The following GPR89A variants were observed in gnomAD, a reference collection of about 807,000 sequenced individuals.
The protein encoded by GPR89A is golgi pH regulator A, also known as G protein-coupled receptor 89A.
Under a neutral mutation model 52.0 loss-of-function variants are expected in GPR89A, and 16 were observed. The ratio of observed to expected loss-of-function variants is 0.31; its 90% confidence interval spans 0.21 to 0.47. The LOEUF is 0.47. Ranked by LOEUF, GPR89A falls within the 20% of genes least tolerant of loss-of-function variation. The probability of loss-of-function intolerance (pLI) is 1.00; values close to 1 mark genes in which losing one functional copy is unlikely to be tolerated. For synonymous variants in GPR89A, 55 were observed against 150.9 expected (o/e 0.36, Z 4.66); for missense variants, 135 against 449.4 (o/e 0.30, Z 6.33).
chr1:145,635,503 G>A (rs183565400), intron 7 of GPR89A, among the ~76,000 whole-genome samples: 17 of 152,242 alleles, frequency 1.1e-4, no homozygotes, highest in Admixed American at 4.6e-4. Flanking sequence ...AGGTAGACAC[G>A]TGTATAATTT....
At chr1:145,657,278 C>A (rs1237941727) in intron 10 of GPR89A, among the ~76,000 whole-genome samples, 1 of 148,210 alleles carries the variant, frequency 6.7e-6, no homozygotes, top group African/African-American at 2.6e-5. Context: ...GTGTTCCCAG[C>A]TACTCAGGAG....
intron 12 of GPR89A, among the ~76,000 whole-genome samples, chr1:145,665,985 C>G (rs1462617236): frequency 6.7e-6 from 1 of 149,234 alleles, no homozygotes; most frequent in Non-Finnish European, 1.5e-5. Flanking sequence ...GAGCAACACT[C>G]CATCTCAAAA....
intron 1 of GPR89A, among the ~76,000 whole-genome samples, chr1:145,611,794 A>T (rs587675830): frequency 6.6e-6 from 1 of 151,848 alleles, no homozygotes; most frequent in South Asian, 2.1e-4. Context: ...TATGGTCTCT[A>T]AACTCTGAAT....
At chr1:145,635,946 A>G (rs587692695) in intron 7 of GPR89A, among the ~76,000 whole-genome samples, 1 of 152,146 alleles carries the variant, frequency 6.6e-6, no homozygotes, top group African/African-American at 2.4e-5. Flanking sequence ...GGGCAGAACG[A>G]GACTCTGTCT....
At chr1:145,660,084 G>A (rs1273096014) in intron 10 of GPR89A, among the ~76,000 whole-genome samples, 1 of 151,864 alleles carries the variant, frequency 6.6e-6, no homozygotes, top group African/African-American at 2.4e-5. Flanking sequence ...TCTGTTATTG[G>A]TGTATAAGAA....
intron 7 of GPR89A, among the ~76,000 whole-genome samples, chr1:145,636,054 A>G (rs71257615): frequency 2.6e-5 from 4 of 151,742 alleles, no homozygotes; most frequent in East Asian, 1.9e-4. Flanking sequence ...ACTCTGATCT[A>G]TACATACTAT....
chr1:145,655,155 G>C lies in GPR89A; in HGVS notation c.909+7888G>C, dbSNP rs587602988. Among the ~76,000 whole-genome samples, 128 of 150,386 alleles carry C rather than the reference G, an allele frequency of 8.5e-4. 1 individual carries two copies. In the South Asian group the frequency reaches 0.011, roughly 12 times the overall value. Reference sequence around the variant, plus strand: ...TTTTCAGCTCCATCACATTGTTTATGTTCCTTTTTAAACGGGTTATTCTGG... The same window carrying C: ...TTTTCAGCTCCATCACATTGTTTATCTTCCTTTTTAAACGGGTTATTCTGG... On this transcript the variant is annotated intron_variant, in intron 10 of 13. Transcript: ENST00000313835.
chr1:145,659,404 C>T (rs1652034324), intron 10 of GPR89A, among the ~76,000 whole-genome samples: 1 of 151,930 alleles, frequency 6.6e-6, no homozygotes, highest in Non-Finnish European at 1.5e-5. Flanking sequence ...CCAGGCTGGT[C>T]TCTAACTCCT....
At chr1:145,612,686 C>T (rs1462219951) in intron 1 of GPR89A, among the ~76,000 whole-genome samples, 2 of 152,102 alleles carry the variant, frequency 1.3e-5, no homozygotes, top group African/African-American at 2.4e-5. Flanking sequence ...ATAAAAGTTA[C>T]CTAATCATAT....
intron 7 of GPR89A, among the ~76,000 whole-genome samples, chr1:145,634,969 T>C (rs1398247992): frequency 1.3e-5 from 2 of 152,068 alleles, no homozygotes; most frequent in Non-Finnish European, 2.9e-5. Flanking sequence ...TCTACTCTCT[T>C]TATTAAAGTT....
rs1455442448 is a variant in GPR89A at position 145,624,588 on chromosome 1, T to C, written c.415+874T>C. On this transcript the variant is annotated intron_variant, in intron 5 of 13. Coordinates refer to ENST00000313835, the MANE Select transcript of GPR89A (RefSeq NM_001097612.2). ...AGGCTTCTTATTGCAGAAAACAGAA[T>C]CTACTGTAACTAATTTAAAGCAGAA... Among the ~76,000 whole-genome samples the C allele has an allele frequency of 7.9e-5, 12 of 151,262 alleles. No homozygotes were observed. In the East Asian group the frequency reaches 2.3e-3, roughly 29 times the overall value.
Position 145,669,634 on chromosome 1 carries a change from G to A in GPR89A, c.1105G>A (p.Ala369Thr), listed in dbSNP as rs202060570. 6.2e-7 allele frequency: 1 copy of A among 1,611,062 alleles called. No individual in the cohort carries two copies. Among genetic ancestry groups the A allele is most frequent in the East Asian group, 2.2e-5 (1 of 44,862 alleles). ...CCCTCTTTCTTGACAGTTCTTTTATGCCATCTCTAGCAGTAAGTCCTCCAA... is the reference window on the plus strand; with the variant it reads ...CCCTCTTTCTTGACAGTTCTTTTATACCATCTCTAGCAGTAAGTCCTCCAA... Reference protein sequence around the residue: ...LLITLTKFFYAISSSKSSNVI... With the variant: ...LLITLTKFFYTISSSKSSNVI... Residue 369 changes from alanine (A) to threonine (T), a missense_variant, in exon 13 of 14, where the codon GCC becomes ACC. Ala to Thr is a moderately conservative substitution (Grantham distance 58, BLOSUM62 0). Transcript: ENST00000313835.
intron 5 of GPR89A, among the ~76,000 whole-genome samples, chr1:145,627,313 G>T (rs1268331894): frequency 1.3e-5 from 2 of 152,004 alleles, no homozygotes; most frequent in Non-Finnish European, 2.9e-5. Context: ...AAAGGTAGAG[G>T]GGGAATTTTT....
At chr1:145,628,493 CTG>C in intron 5 of GPR89A, among the ~76,000 whole-genome samples, 1 of 152,018 alleles carries the variant, frequency 6.6e-6, no homozygotes, top group Middle Eastern at 3.4e-3. Context: ...AGCCCAGACT[CTG>C]GAGCTAGACT....
intron 7 of GPR89A, among the ~76,000 whole-genome samples, chr1:145,632,212 A>G (rs1649923875): frequency 6.6e-6 from 1 of 150,710 alleles, no homozygotes; most frequent in Non-Finnish European, 1.5e-5. Context: ...GCTAATTAAC[A>G]TATCTATCAC....
At chr1:145,634,966 T>C (rs587674681) in intron 7 of GPR89A, among the ~76,000 whole-genome samples, 1 of 152,288 alleles carries the variant, frequency 6.6e-6, no homozygotes. Flanking sequence ...TAGTCTACTC[T>C]CTTTATTAAA....
chr1:145,621,860 C>T (rs1418178551), intron 3 of GPR89A, among the ~76,000 whole-genome samples: 1 of 149,102 alleles, frequency 6.7e-6, no homozygotes, highest in Non-Finnish European at 1.5e-5. Context: ...AAATGCAAAT[C>T]AAAACCACAA....
intron 5 of GPR89A, among the ~76,000 whole-genome samples, chr1:145,624,023 T>G (rs1239427791): frequency 6.6e-6 from 1 of 151,234 alleles, no homozygotes; most frequent in East Asian, 1.9e-4. Context: ...TGAATATACT[T>G]AAAGGGTATA....
chr1:145,634,081 G>GTT (rs67899431), intron 7 of GPR89A, among the ~76,000 whole-genome samples: 67,399 of 145,556 alleles, frequency 0.46, 17,672 homozygotes, highest in Non-Finnish European at 0.59. Context: ...TGTCTATTGT[G>GTT]TTTTTTTTTT....
Sources: gnomAD v4.1 joint callset for allele counts (sites outside exome capture counted in the v4.1 genomes callset) on GRCh38, gnomAD v4.1.1 for gene constraint, MANE v1.5 for transcripts, NCBI Gene and HGNC (gene_info 2026-07-23, HGNC 2026-07-21) for gene names.